The following DLC1 variants were observed in gnomAD, a reference collection of about 807,000 sequenced individuals.
The protein encoded by DLC1 is rho GTPase-activating protein 7.
DLC1 carries 54 observed loss-of-function variants against 140.3 expected under a neutral mutation model. The observed-to-expected ratio is 0.38, with a 90% CI of 0.31 to 0.48. The LOEUF is 0.48. Among genes scored for constraint, DLC1 ranks in the 20% least tolerant of loss-of-function variants. DLC1 has a pLI of 0.96. For synonymous variants in DLC1, 986 were observed against 728.1 expected (o/e 1.35, Z -5.70); for missense variants, 2,536 against 1,907.0 (o/e 1.33, Z -6.14).
chr8:13,109,780 G>C (rs1819915464), intron 7 of DLC1, among the ~76,000 whole-genome samples: 1 of 151,862 alleles, frequency 6.6e-6, no homozygotes, highest in Non-Finnish European at 1.5e-5. Flanking sequence ...AGCTACTTGG[G>C]AGGCTGAGGT....
intron 17 of DLC1, 83 bp from the exon 18 acceptor site, chr8:13,086,014 T>C (rs368335106): frequency 6.4e-7 from 1 of 1,555,944 alleles, no homozygotes; most frequent in South Asian, 1.2e-5. Context: ...TGTTTGCTAG[T>C]TCAAATGCAT....
chr8:13,292,471 A>G (rs184126851), intron 5 of DLC1, among the ~76,000 whole-genome samples: 101 of 152,312 alleles, frequency 6.6e-4, no homozygotes, highest in Middle Eastern at 3.4e-3. Flanking sequence ...TGTTTTCTGG[A>G]TATAATAAGC....
intron 4 of DLC1, among the ~76,000 whole-genome samples, chr8:13,359,493 C>G (rs530367302): frequency 2.8e-4 from 43 of 152,222 alleles, no homozygotes; most frequent in Admixed American, 1.1e-3. Context: ...TAGTGGGAAT[C>G]TTGACTATTG....
chr8:13,202,070 C>G (rs763048553), intron 5 of DLC1, among the ~76,000 whole-genome samples: 20 of 151,814 alleles, frequency 1.3e-4, no homozygotes, highest in Non-Finnish European at 2.5e-4. Context: ...CTCAGCCTAC[C>G]AAGTAGCTGG....
chr8:13,351,524 A>G (rs1296957457), intron 4 of DLC1, among the ~76,000 whole-genome samples: 1 of 152,234 alleles, frequency 6.6e-6, no homozygotes, highest in East Asian at 1.9e-4. Flanking sequence ...AAAAAAAGTG[A>G]CAGAATATAT....
At chr8:13,255,204 C>T (rs1195512975) in intron 5 of DLC1, among the ~76,000 whole-genome samples, 2 of 152,096 alleles carry the variant, frequency 1.3e-5, no homozygotes, top group Non-Finnish European at 2.9e-5. Flanking sequence ...CTCCTGACCT[C>T]AAGTGATCTG....
intron 2 of DLC1, among the ~76,000 whole-genome samples, chr8:13,473,032 A>G (rs965904819): frequency 1.1e-4 from 16 of 152,230 alleles, no homozygotes; most frequent in Admixed American, 9.2e-4. Context: ...CACAGAAGGA[A>G]TTAGAGAACC....
intron 5 of DLC1, among the ~76,000 whole-genome samples, chr8:13,294,159 C>A (rs968995509): frequency 2.0e-5 from 3 of 152,126 alleles, no homozygotes; most frequent in Non-Finnish European, 4.4e-5. Context: ...TTGACTGTTT[C>A]CATAGTTTGG....
chr8:13,423,780 C>T (rs1229141586), intron 2 of DLC1, among the ~76,000 whole-genome samples: 1 of 152,096 alleles, frequency 6.6e-6, no homozygotes, highest in Non-Finnish European at 1.5e-5. Context: ...ATCCTGTCAC[C>T]ATTAGTAATA....
chr8:13,355,850 T>C (rs1221446669), intron 4 of DLC1, among the ~76,000 whole-genome samples: 2 of 151,844 alleles, frequency 1.3e-5, no homozygotes, highest in African/African-American at 2.4e-5. Context: ...TTTGGGAGGC[T>C]AAGGTGGGCA....
chr8:13,160,251 C>G (rs990176610), intron 5 of DLC1: 1 of 152,214 alleles, frequency 6.6e-6, no homozygotes, highest in East Asian at 1.9e-4. Flanking sequence ...TCCTTCTCCA[C>G]GCCCGCTGCT....
At chr8:13,177,423 G>A (rs578040971) in intron 5 of DLC1, among the ~76,000 whole-genome samples, 1 of 152,244 alleles carries the variant, frequency 6.6e-6, no homozygotes, top group South Asian at 2.1e-4. Flanking sequence ...AGAACTAAAA[G>A]AACCCTTATG....
Position 13,335,210 on chromosome 8 carries a change from T to A in DLC1, c.1315-29908A>T, listed in dbSNP as rs985758601. On this transcript the variant is annotated intron_variant, in intron 4 of 17. Coordinates refer to ENST00000276297, the MANE Select transcript of DLC1 (RefSeq NM_182643.3). ...GAAAATGCCTTGGGGTCTGCCACAA[T>A]TTAGAAGCCTCTTGGAGGAGGAAGA... Among the ~76,000 whole-genome samples, 5 of 152,062 alleles carry A rather than the reference T, an allele frequency of 3.3e-5. No homozygotes were observed. In the East Asian group the frequency reaches 9.6e-4, roughly 29 times the overall value.
chr8:13,197,759 T>TA (rs1827155015), intron 5 of DLC1, among the ~76,000 whole-genome samples: 1 of 152,100 alleles, frequency 6.6e-6, no homozygotes, highest in African/African-American at 2.4e-5. Context: ...GGATTTGGCA[T>TA]AAAAAATGTG....
chr8:13,302,039 A>G (rs1484395657), intron 5 of DLC1, among the ~76,000 whole-genome samples: 1 of 152,236 alleles, frequency 6.6e-6, no homozygotes, highest in African/African-American at 2.4e-5. Context: ...ACAATTATAC[A>G]TATCGATACT....
chr8:13,356,525 C>A (rs1364246451), intron 4 of DLC1, among the ~76,000 whole-genome samples: 3 of 152,232 alleles, frequency 2.0e-5, no homozygotes, highest in Non-Finnish European at 4.4e-5. Context: ...TCTGCTTCCA[C>A]ACCCACAAAG....
At chr8:13,494,584 G>A (rs534463381) in intron 2 of DLC1, among the ~76,000 whole-genome samples, 9 of 152,118 alleles carry the variant, frequency 5.9e-5, no homozygotes, top group Admixed American at 2.6e-4. Flanking sequence ...TATTTTATGC[G>A]TGTGAGAGAA....
Position 13,350,728 on chromosome 8 carries a change from A to C in DLC1, c.1314+42825T>G, listed in dbSNP as rs574603643. Among the ~76,000 whole-genome samples, 16 of 152,210 alleles carry C rather than the reference A, an allele frequency of 1.1e-4. 1 individual carries two copies. In the South Asian group the frequency reaches 3.3e-3, roughly 32 times the overall value. On this transcript the variant is annotated intron_variant, in intron 4 of 17. Coordinates refer to ENST00000276297, the MANE Select transcript of DLC1 (RefSeq NM_182643.3). ...AAGACTCGATCTTAAAAAATAAATA[A>C]ATAAATAAATATAAAGAGAAACACC...
At chr8:13,474,669 A>G (rs1265070361) in intron 2 of DLC1, among the ~76,000 whole-genome samples, 1 of 152,186 alleles carries the variant, frequency 6.6e-6, no homozygotes, top group African/African-American at 2.4e-5. Flanking sequence ...GATCATAGGA[A>G]CACACCTCTT....
Sources: allele counts gnomAD v4.1 joint callset (sites outside exome capture counted in the v4.1 genomes callset), GRCh38; gene constraint gnomAD v4.1.1; transcripts MANE v1.5; gene names NCBI Gene and HGNC (gene_info 2026-07-23, HGNC 2026-07-21).